Variants in SCLT1 observed in about 807,000 individuals in gnomAD.
SCLT1 encodes the protein sodium channel and clathrin linker 1.
SCLT1 carries 78 observed loss-of-function variants against 112.8 expected under a neutral mutation model. The observed-to-expected ratio is 0.69, with a 90% CI of 0.58 to 0.83. The LOEUF is 0.83. SCLT1 is among the 40% of genes least tolerant of loss of function. The pLI is 0.00. For missense variants in SCLT1, 747 were observed against 770.4 expected (o/e 0.97, Z 0.36); for synonymous variants, 257 against 254.7 (o/e 1.01, Z -0.09).
intron 18 of SCLT1, among the ~76,000 whole-genome samples, chr4:128,915,215 G>A (rs1033086092): frequency 2.0e-5 from 3 of 152,166 alleles, no homozygotes; most frequent in African/African-American, 4.8e-5. Context: ...ATTTCTAGTG[G>A]TCTGGTGCCT....
At chr4:128,968,059 T>C (rs1353684232) in intron 10 of SCLT1, among the ~76,000 whole-genome samples, 2 of 152,206 alleles carry the variant, frequency 1.3e-5, no homozygotes, top group East Asian at 1.9e-4. Flanking sequence ...GTCAGTATCA[T>C]TGTGATGTAT....
At chr4:129,028,450 G>T (rs575695559) in intron 5 of SCLT1, among the ~76,000 whole-genome samples, 1,864 of 152,240 alleles carry the variant, frequency 0.012, 12 homozygotes, top group South Asian at 0.03. Flanking sequence ...TTAATAAATG[G>T]TGCTGGGAAA....
intron 5 of SCLT1, among the ~76,000 whole-genome samples, chr4:129,004,678 A>C (rs1743837894): frequency 6.6e-6 from 1 of 152,016 alleles, no homozygotes; most frequent in African/African-American, 2.4e-5. Flanking sequence ...AACTACATCC[A>C]TCTACCTAAA....
intron 9 of SCLT1, among the ~76,000 whole-genome samples, chr4:128,973,201 A>G (rs577031550): frequency 2.4e-4 from 36 of 152,270 alleles, no homozygotes; most frequent in Non-Finnish European, 4.1e-4. Context: ...CTTATAATAT[A>G]TAATACTTTA....
At chr4:128,990,900 A>G (rs1288426362) in intron 9 of SCLT1, among the ~76,000 whole-genome samples, 1 of 151,840 alleles carries the variant, frequency 6.6e-6, no homozygotes, top group East Asian at 1.9e-4. Context: ...CTAAAAGAAA[A>G]CTATAAAACT....
At chr4:128,949,984 CT>C (rs11345554) in intron 14 of SCLT1, among the ~76,000 whole-genome samples, 110,929 of 151,850 alleles carry the variant, frequency 0.73, 41,413 homozygotes, top group African/African-American at 0.9. Flanking sequence ...AAGTAAGCTT[CT>C]TTTGTGACCC....
chr4:128,963,509 G>A (rs1003525923), intron 11 of SCLT1, among the ~76,000 whole-genome samples: 1 of 152,028 alleles, frequency 6.6e-6, no homozygotes. Flanking sequence ...CTCTTAGGAG[G>A]GAGTCTTACA....
chr4:128,948,997 A>T (rs112091231), intron 14 of SCLT1, among the ~76,000 whole-genome samples: 53 of 152,324 alleles, frequency 3.5e-4, no homozygotes, highest in Admixed American at 1.0e-3. Context: ...TTTCTTTACA[A>T]AAATTACAGC....
intron 9 of SCLT1, among the ~76,000 whole-genome samples, chr4:128,978,971 G>A (rs1183839169): frequency 6.6e-6 from 1 of 152,076 alleles, no homozygotes; most frequent in Non-Finnish European, 1.5e-5. Context: ...AGATTTCCCA[G>A]GTCTGGGGGG....
At chr4:128,897,356 G>A (rs1733855843) in intron 18 of SCLT1, among the ~76,000 whole-genome samples, 1 of 152,018 alleles carries the variant, frequency 6.6e-6, no homozygotes, top group African/African-American at 2.4e-5. Context: ...AGAAGAGAGT[G>A]GGGGCCAATA....
rs184113883 is a variant in SCLT1 at position 128,898,818 on chromosome 4, G to A, written c.1830-7681C>T. Among the ~76,000 whole-genome samples the A allele has an allele frequency of 2.7e-3, 404 of 152,110 alleles. 1 individual carries two copies. Among genetic ancestry groups the A allele is most frequent in the South Asian group, 1.0e-2 (48 of 4,812 alleles). The stretch of plus-strand genomic sequence containing the variant: ...GAAAACAGAGAAGAATCAAATAGAC[G>A]CAATAAAAAATGATAAAGGGGATAT... On this transcript the variant is annotated intron_variant, in intron 18 of 20. Coordinates refer to ENST00000281142, the MANE Select transcript of SCLT1 (RefSeq NM_144643.4).
At position 129,052,305 on chromosome 4, in the gene SCLT1, G is replaced by C. The variant is rs79256849; in HGVS notation, c.103-8254C>G. On this transcript the variant is annotated intron_variant, in intron 2 of 20. Transcript: ENST00000281142. ...AATAGCTTCAGAAGGAATTGTACCAGCTCCTCTTTGTACCTCTGGTAGAAT... is the reference window on the plus strand; with the variant it reads ...AATAGCTTCAGAAGGAATTGTACCACCTCCTCTTTGTACCTCTGGTAGAAT... Among the ~76,000 whole-genome samples, 674 of 152,260 alleles carry C rather than the reference G, an allele frequency of 4.4e-3. 4 individuals are homozygous for C. Among genetic ancestry groups the C allele is most frequent in the African/African-American group, 0.014 (573 of 41,548 alleles).
In SCLT1 at chr4:129,027,553, A is replaced by G. The variant is rs1301553873; in HGVS notation, c.290+11488T>C. 1.3e-4 allele frequency among the ~76,000 whole-genome samples: 20 copies of G among 152,310 alleles called. No homozygotes were observed. The East Asian group carries it at 1.3e-3, about 10-fold the overall frequency. Reference sequence around the variant, plus strand: ...AAAATAATAAGAGCTATCTATGACAAACCCACAGCCAATATCATACTGAAT... The same window carrying G: ...AAAATAATAAGAGCTATCTATGACAGACCCACAGCCAATATCATACTGAAT... On this transcript the variant is annotated intron_variant, in intron 5 of 20. Transcript: ENST00000281142.
At chr4:129,031,667 T>C (rs1746735922) in intron 5 of SCLT1, among the ~76,000 whole-genome samples, 1 of 151,722 alleles carries the variant, frequency 6.6e-6, no homozygotes, top group South Asian at 2.1e-4. Context: ...ACAACAACAA[T>C]AGACAAGCAG....
intron 18 of SCLT1, among the ~76,000 whole-genome samples, chr4:128,906,756 G>A (rs1417070030): frequency 6.6e-6 from 1 of 151,962 alleles, no homozygotes; most frequent in Non-Finnish European, 1.5e-5. Flanking sequence ...ATGAGTGCCT[G>A]TTACATGCTA....
At chr4:128,874,705 C>T (rs1221817723) in intron 4 of SCLT1, 1 of 152,532 alleles carries the variant, frequency 6.6e-6, no homozygotes, top group Non-Finnish European at 1.5e-5. Flanking sequence ...CACTTGCGTT[C>T]TATTAGTATG....
intron 11 of SCLT1, among the ~76,000 whole-genome samples, chr4:128,964,020 T>C (rs1414046597): frequency 6.6e-6 from 1 of 152,138 alleles, no homozygotes; most frequent in Non-Finnish European, 1.5e-5. Flanking sequence ...AAAAGACAAA[T>C]ATATATTCTC....
At chr4:129,035,619 T>A (rs1747113621) in intron 5 of SCLT1, among the ~76,000 whole-genome samples, 1 of 152,062 alleles carries the variant, frequency 6.6e-6, no homozygotes, top group Non-Finnish European at 1.5e-5. Context: ...ATGACAACAA[T>A]AAAATTTACT....
At chr4:128,879,802 T>C (rs890222133), downstream of SCLT1, among the ~76,000 whole-genome samples, 1 of 152,172 alleles carries the variant, frequency 6.6e-6, no homozygotes, top group South Asian at 2.1e-4. Flanking sequence ...TTTTATCCCA[T>C]AGAGTAGTTT....
Sources: allele counts gnomAD v4.1 joint callset (sites outside exome capture counted in the v4.1 genomes callset), GRCh38; gene constraint gnomAD v4.1.1; transcripts MANE v1.5; gene names NCBI Gene and HGNC (gene_info 2026-07-23, HGNC 2026-07-21).